ITK: variants seen among roughly 807,000 people sequenced by gnomAD.
The protein encoded by ITK is IL2 inducible T cell kinase.
Under a neutral mutation model 87.6 loss-of-function variants are expected in ITK, and 45 were observed. The ratio of observed to expected loss-of-function variants is 0.51; its 90% CI spans 0.40 to 0.66. The LOEUF (loss-of-function observed/expected upper bound fraction) is 0.66. Ranked by LOEUF, ITK falls within the 30% of genes least tolerant of loss-of-function variation. The probability of loss-of-function intolerance (pLI) is 0.00; values close to 1 mark genes in which losing one functional copy is unlikely to be tolerated. For synonymous variants in ITK, 303 were observed against 273.6 expected, an observed-to-expected ratio of 1.11 and a Z score of -1.06; for missense variants, 605 against 766.3, an observed-to-expected ratio of 0.79 and a Z score of 2.48.
At chr5:157,214,061 C>A in intron 3 of ITK, 130 bp from the exon 4 acceptor site, 1 of 790,030 alleles carries the variant, frequency 1.3e-6, no homozygotes, top group Non-Finnish European at 2.3e-6. Flanking sequence ...TCAACCCATG[C>A]TTCTGAGTGG....
At chr5:157,245,340 G>C (rs559987215) in intron 13 of ITK, 12 of 361,022 alleles carry the variant, frequency 3.3e-5, no homozygotes, top group African/African-American at 2.1e-4. Context: ...TTGAAGAACA[G>C]TTTTAAGAGG....
chr5:157,230,813 G>A (rs570275345), intron 7 of ITK, among the ~76,000 whole-genome samples: 13 of 151,996 alleles, frequency 8.6e-5, no homozygotes, highest in Non-Finnish European at 1.8e-4. Flanking sequence ...GTGAGGTCTG[G>A]AGCAAATAAA....
intron 13 of ITK, chr5:157,245,094 G>A (rs142437652): frequency 0.014 from 2,409 of 171,152 alleles, 28 homozygotes; most frequent in South Asian, 0.025. Flanking sequence ...GCTTACTGGC[G>A]GGCACCTGTA....
intron 1 of ITK, among the ~76,000 whole-genome samples, chr5:157,203,429 C>T (rs1754016273): frequency 6.6e-6 from 1 of 152,220 alleles, no homozygotes; most frequent in Non-Finnish European, 1.5e-5. Flanking sequence ...TGGGAAGATG[C>T]CCTGGTCTCT....
chr5:157,246,394 A>C (rs141150855), intron 15 of ITK, among the ~76,000 whole-genome samples: 227 of 152,326 alleles, frequency 1.5e-3, no homozygotes, highest in African/African-American at 5.3e-3. Flanking sequence ...CAATTAACTG[A>C]TCATCTATTC....
At chr5:157,209,927 A>AT (rs34236243) in intron 2 of ITK, among the ~76,000 whole-genome samples, 32,527 of 144,344 alleles carry the variant, frequency 0.23, 4,274 homozygotes, top group Admixed American at 0.31. Flanking sequence ...CACTGCAGAA[A>AT]TTTTTTTTTT....
Position 157,200,322 on chromosome 5 carries a change from C to T in ITK, c.139-8567C>T, listed in dbSNP as rs150351605. 2.8e-4 allele frequency among the ~76,000 whole-genome samples: 42 copies of T among 152,224 alleles called. No homozygotes were observed. The East Asian group carries it at 3.7e-3, about 13-fold the overall frequency. ...AGGGTAAGCAAGGTCCTGTGACTTT[C>T]GCCCCAAGTAATGCAGACAGAATAA... On this transcript the variant is annotated intron_variant, in intron 1 of 16. Transcript: ENST00000422843.
At chr5:157,222,674 C>T (rs772775339) in intron 5 of ITK, 189 bp from the exon 6 acceptor site, 9 of 628,708 alleles carry the variant, frequency 1.4e-5, no homozygotes, top group Non-Finnish European at 2.3e-5. Context: ...CAGAATTTAC[C>T]TCATAGAATG....
At chr5:157,234,939 TAAAA>T (rs920209433) in intron 8 of ITK, among the ~76,000 whole-genome samples, 1 of 151,972 alleles carries the variant, frequency 6.6e-6, no homozygotes, top group Non-Finnish European at 1.5e-5. Flanking sequence ...ATAATAATAA[TAAAA>T]AAAGAGATGA....
chr5:157,195,077 A>G (rs1428895020), intron 1 of ITK: 1 of 152,296 alleles, frequency 6.6e-6, no homozygotes, highest in African/African-American at 2.4e-5. Context: ...GGTTTTTGCC[A>G]TTAATAGATA....
intron 11 of ITK, among the ~76,000 whole-genome samples, chr5:157,242,556 G>T (rs531274102): frequency 4.6e-5 from 7 of 152,144 alleles, no homozygotes; most frequent in African/African-American, 1.7e-4. Context: ...GCTCACTGCT[G>T]CCTTGACCTC....
At position 157,254,032 on chromosome 5, in the gene ITK, C is replaced by T; in HGVS notation, c.*1354C>T. 1.3e-5 allele frequency: 3 copies of T among 225,986 alleles called. No homozygotes were observed. The highest frequency in any genetic ancestry group is 2.6e-5 in the Non-Finnish European group (3 of 113,500). The allele number at this position is 225,986 out of a possible 1,614,324, so 14.0% of individuals were successfully genotyped here. On this transcript the variant is annotated 3_prime_UTR_variant, in exon 17 of 17. Transcript: ENST00000422843. ...AAGACATCTGCCCAAAGTGATGGAA[C>T]TAGAAAGTCTAGAGCTGGTATTCTA...
intron 5 of ITK, among the ~76,000 whole-genome samples, chr5:157,218,426 A>G (rs152128): frequency 0.26 from 39,169 of 149,396 alleles, 5,862 homozygotes; most frequent in Non-Finnish European, 0.34. Context: ...AGGATCACTT[A>G]CTCCCAGGAG....
intron 2 of ITK, among the ~76,000 whole-genome samples, chr5:157,210,547 ATT>A (rs1219550066): frequency 7.0e-6 from 1 of 143,524 alleles, no homozygotes; most frequent in African/African-American, 2.5e-5. Context: ...TTTTTTTTTA[ATT>A]TTTTTTTATT....
intron 1 of ITK, among the ~76,000 whole-genome samples, chr5:157,190,761 C>T (rs185569421): frequency 7.7e-4 from 117 of 152,122 alleles, no homozygotes; most frequent in African/African-American, 2.5e-3. Context: ...GCAGAGGGAA[C>T]GGCAAGTACA....
At chr5:157,241,797 C>A in intron 11 of ITK, 77 bp downstream of exon 11, 1 of 981,478 alleles carries the variant, frequency 1.0e-6, no homozygotes, top group Non-Finnish European at 1.6e-6. Context: ...GGCCATGAGC[C>A]TACCTGTTCC....
chr5:157,232,129 G>A (rs1754669995), intron 7 of ITK, among the ~76,000 whole-genome samples: 1 of 152,098 alleles, frequency 6.6e-6, no homozygotes, highest in South Asian at 2.1e-4. Flanking sequence ...TTTAATACCT[G>A]GAAATGAATC....
chr5:157,196,291 C>T (rs1753854260), intron 1 of ITK, among the ~76,000 whole-genome samples: 1 of 152,138 alleles, frequency 6.6e-6, no homozygotes, highest in South Asian at 2.1e-4. Flanking sequence ...TCCCCAGGGC[C>T]ACATGTGAGA....
At chr5:157,201,074 T>C (rs1309471964) in intron 1 of ITK, among the ~76,000 whole-genome samples, 1 of 130,536 alleles carries the variant, frequency 7.7e-6, no homozygotes, top group Non-Finnish European at 1.7e-5. Context: ...ATTAAGATAA[T>C]ATACAATATT....
Sources: allele counts gnomAD v4.1 joint callset (sites outside exome capture counted in the v4.1 genomes callset), GRCh38; gene constraint gnomAD v4.1.1; transcripts MANE v1.5; gene names NCBI Gene and HGNC (gene_info 2026-07-23, HGNC 2026-07-21).